The following GLCE variants were observed in gnomAD, a reference collection of about 807,000 sequenced individuals.
GLCE encodes glucuronic acid epimerase, also known as D-glucuronyl C5-epimerase.
GLCE carries 19 observed loss-of-function variants against 47.9 expected under a neutral mutation model. The ratio of observed to expected loss-of-function variants is 0.40; its 90% CI spans 0.28 to 0.58. The LOEUF (loss-of-function observed/expected upper bound fraction) is 0.58. Ranked by LOEUF, GLCE falls within the 20% of genes least tolerant of loss-of-function variation. The pLI is 0.48. For synonymous variants in GLCE, 245 were observed against 263.4 expected (o/e 0.93, Z 0.68); for missense variants, 556 against 743.3 (o/e 0.75, Z 2.93).
chr15:69,257,039 G>C (rs2052935479), intron 3 of GLCE, among the ~76,000 whole-genome samples: 1 of 152,102 alleles, frequency 6.6e-6, no homozygotes, highest in South Asian at 2.1e-4. Flanking sequence ...AGATTTCTTG[G>C]TTTGGGTTTT....
chr15:69,161,960 C>T (rs907669765), intron 1 of GLCE, among the ~76,000 whole-genome samples: 1 of 152,154 alleles, frequency 6.6e-6, no homozygotes, highest in Non-Finnish European at 1.5e-5. Context: ...GCTCATCCTG[C>T]ATGATTAGAT....
intron 2 of GLCE, among the ~76,000 whole-genome samples, chr15:69,226,259 A>G (rs1399277221): frequency 6.6e-6 from 1 of 152,214 alleles, no homozygotes; most frequent in Non-Finnish European, 1.5e-5. Flanking sequence ...TTCATAAGTA[A>G]TAAACATGAT....
chr15:69,263,512 T>A (rs2140451770), intron 4 of GLCE, among the ~76,000 whole-genome samples: 1 of 152,080 alleles, frequency 6.6e-6, no homozygotes, highest in African/African-American at 2.4e-5. Context: ...ATAATATGGG[T>A]CTGCAGCATA....
At chr15:69,219,113 G>T (rs1484451435) in intron 2 of GLCE, among the ~76,000 whole-genome samples, 1 of 152,044 alleles carries the variant, frequency 6.6e-6, no homozygotes, top group African/African-American at 2.4e-5. Flanking sequence ...ATAACTTCAT[G>T]TAGAATTGTC....
chr15:69,212,755 G>C (rs2052250261), intron 2 of GLCE, among the ~76,000 whole-genome samples: 1 of 151,964 alleles, frequency 6.6e-6, no homozygotes, highest in Non-Finnish European at 1.5e-5. Flanking sequence ...TTTTTGAGAT[G>C]AGTATTTTTA....
rs1053615722 is a variant in GLCE at position 69,270,491 on chromosome 15, A to C, written c.*1247A>C. The C allele has an allele frequency of 6.6e-6, 1 of 152,158 alleles. No individual in the cohort carries two copies. The highest frequency in any genetic ancestry group is 1.5e-5 in the Non-Finnish European group (1 of 68,020). 9.4% of individuals were successfully genotyped at this position (152,158 alleles called of 1,614,324 possible). Reference sequence around the variant, plus strand: ...GTCTGCTATAGGGCTTCAGGCATTAAATAAAACCGAGGGTTGTTGATTTTG... The same window carrying C: ...GTCTGCTATAGGGCTTCAGGCATTACATAAAACCGAGGGTTGTTGATTTTG... On this transcript the variant is annotated 3_prime_UTR_variant, in exon 5 of 5. Transcript: ENST00000261858.
At chr15:69,224,577 A>G (rs980548323) in intron 2 of GLCE, among the ~76,000 whole-genome samples, 21 of 152,182 alleles carry the variant, frequency 1.4e-4, no homozygotes, top group African/African-American at 4.6e-4. Context: ...GACTACACCC[A>G]TGTGATCTTT....
intron 1 of GLCE, among the ~76,000 whole-genome samples, chr15:69,197,813 G>T (rs1488598445): frequency 6.6e-6 from 1 of 152,138 alleles, no homozygotes; most frequent in Non-Finnish European, 1.5e-5. Context: ...CACATTTGGT[G>T]TGTAGAGTTA....
At chr15:69,214,587 A>G (rs2052278850) in intron 2 of GLCE, among the ~76,000 whole-genome samples, 1 of 152,198 alleles carries the variant, frequency 6.6e-6, no homozygotes, top group Non-Finnish European at 1.5e-5. Context: ...TCTTTATAAT[A>G]GTGTGAAAAC....
chr15:69,255,743 A>G, intron 2 of GLCE, 51 bp from the exon 3 acceptor site: 1 of 1,030,576 alleles, frequency 9.7e-7, no homozygotes, highest in Non-Finnish European at 1.4e-6. Context: ...TTATCCTATG[A>G]AATGCCGGTA....
At chr15:69,161,388 G>T (rs1566943265) in intron 1 of GLCE, among the ~76,000 whole-genome samples, 2 of 152,064 alleles carry the variant, frequency 1.3e-5, no homozygotes, top group Non-Finnish European at 2.9e-5. Flanking sequence ...GGGCCGCCTT[G>T]GGGGGTTGTT....
intron 2 of GLCE, among the ~76,000 whole-genome samples, chr15:69,218,149 CAAAAAA>C (rs773040702): frequency 1.8e-5 from 1 of 54,608 alleles, no homozygotes; most frequent in African/African-American, 6.8e-5. Context: ...GAGACTGTCT[CAAAAAA>C]AAAAAAAAAA....
intron 1 of GLCE, chr15:69,197,510 G>A: frequency 6.1e-6 from 1 of 163,398 alleles, no homozygotes; most frequent in Non-Finnish European, 1.3e-5. Context: ...AATTACTTTT[G>A]CACCAACCTA....
chr15:69,197,790 A>AG (rs1419905596), intron 1 of GLCE, among the ~76,000 whole-genome samples: 1 of 152,120 alleles, frequency 6.6e-6, no homozygotes, highest in Non-Finnish European at 1.5e-5. Flanking sequence ...TTTATTGTAA[A>AG]GGGGGAACTA....
intron 1 of GLCE, among the ~76,000 whole-genome samples, chr15:69,164,632 C>T (rs1400556582): frequency 6.6e-6 from 1 of 151,610 alleles, no homozygotes; most frequent in African/African-American, 2.4e-5. Context: ...ATTGTATGTA[C>T]AAAAAGGAAG....
chr15:69,190,241 G>A (rs2051893725), intron 1 of GLCE, among the ~76,000 whole-genome samples: 1 of 152,080 alleles, frequency 6.6e-6, no homozygotes, highest in African/African-American at 2.4e-5. Context: ...TGTTCCATGT[G>A]TACTTGAAAA....
At chr15:69,217,780 A>T (rs2052325715) in intron 2 of GLCE, among the ~76,000 whole-genome samples, 2 of 152,218 alleles carry the variant, frequency 1.3e-5, no homozygotes, top group South Asian at 2.1e-4. Context: ...CTTAAATTTA[A>T]TCCTCACAAT....
intron 1 of GLCE, among the ~76,000 whole-genome samples, chr15:69,189,635 T>C (rs1211736391): frequency 6.6e-6 from 1 of 152,210 alleles, no homozygotes; most frequent in Non-Finnish European, 1.5e-5. Flanking sequence ...CCATTTTGCA[T>C]TTTACTGATC....
At chr15:69,163,068 A>C (rs540279887) in intron 1 of GLCE, among the ~76,000 whole-genome samples, 1 of 152,338 alleles carries the variant, frequency 6.6e-6, no homozygotes, top group Admixed American at 6.5e-5. Flanking sequence ...ATTCAGACCA[A>C]AATACCTGGT....
Sources: gnomAD v4.1 joint callset for allele counts (sites outside exome capture counted in the v4.1 genomes callset) on GRCh38, gnomAD v4.1.1 for gene constraint, MANE v1.5 for transcripts, NCBI Gene and HGNC (gene_info 2026-07-23, HGNC 2026-07-21) for gene names.